The following CYP2C19 variants were observed in gnomAD, a reference collection of about 807,000 sequenced individuals.
CYP2C19 encodes cytochrome P450 family 2 subfamily C member 19, also known as cytochrome P450 2C19.
A neutral mutation model predicts 40.9 loss-of-function variants in CYP2C19; 59 were observed. The observed-to-expected ratio is 1.44, with a 90% CI of 1.17 to 1.79. CYP2C19 has a LOEUF of 1.79. Ranked by LOEUF, CYP2C19 falls within the 40% of genes most tolerant of loss-of-function variation. The pLI is 0.00. For missense variants in CYP2C19, 754 were observed against 596.9 expected, an observed-to-expected ratio of 1.26 and a Z score of -2.74; for synonymous variants, 253 against 208.7, an observed-to-expected ratio of 1.21 and a Z score of -1.83.
At chr10:94,767,933 T>C (rs1055470480) in intron 1 of CYP2C19, among the ~76,000 whole-genome samples, 6 of 152,132 alleles carry the variant, frequency 3.9e-5, no homozygotes, top group Non-Finnish European at 5.9e-5. Context: ...AATGGGAGGT[T>C]CCACCTGGCA....
chr10:94,764,419 T>A (rs1025875243), intron 1 of CYP2C19, among the ~76,000 whole-genome samples: 4 of 152,152 alleles, frequency 2.6e-5, no homozygotes, highest in Non-Finnish European at 5.9e-5. Context: ...TGCAAACCTT[T>A]AGCTAGACAC....
At chr10:94,831,734 A>T (rs1348814543) in intron 6 of CYP2C19, among the ~76,000 whole-genome samples, 1 of 152,126 alleles carries the variant, frequency 6.6e-6, no homozygotes, top group Non-Finnish European at 1.5e-5. Context: ...TCTTTTGCCC[A>T]CTTGTGGACT....
At chr10:94,849,894 T>A (rs991665447) in intron 7 of CYP2C19, 23 bp from the exon 8 acceptor site, 7 of 1,613,246 alleles carry the variant, frequency 4.3e-6, no homozygotes, top group Non-Finnish European at 5.9e-6. Context: ...ACAGCTCAGT[T>A]CACCTATGTC....
At chr10:94,776,782 C>T (rs992827064) in intron 3 of CYP2C19, among the ~76,000 whole-genome samples, 9 of 152,032 alleles carry the variant, frequency 5.9e-5, no homozygotes, top group African/African-American at 2.2e-4. Context: ...TTCAACATAG[C>T]TTTGGAAGTT....
At chr10:94,838,702 G>T (rs1849443578) in intron 6 of CYP2C19, among the ~76,000 whole-genome samples, 2 of 152,070 alleles carry the variant, frequency 1.3e-5, no homozygotes, top group South Asian at 4.1e-4. Flanking sequence ...ACTGGGATAG[G>T]GAGGTAGACT....
intron 1 of CYP2C19, among the ~76,000 whole-genome samples, chr10:94,765,154 A>G (rs780289493): frequency 1.2e-4 from 18 of 152,090 alleles, no homozygotes; most frequent in South Asian, 2.1e-4. Context: ...AGTGTGTGGT[A>G]GTAGGATAAT....
chr10:94,811,134 T>C (rs947421367), intron 5 of CYP2C19, among the ~76,000 whole-genome samples: 23 of 152,338 alleles, frequency 1.5e-4, no homozygotes, highest in Non-Finnish European at 2.2e-4. Flanking sequence ...TTCATTTTGT[T>C]ATTTACCCAG....
chr10:94,809,738 C>G (rs933718068), intron 5 of CYP2C19, among the ~76,000 whole-genome samples: 2 of 151,970 alleles, frequency 1.3e-5, no homozygotes, highest in Non-Finnish European at 2.9e-5. Flanking sequence ...AGATACATTC[C>G]ATCAAAATCT....
intron 1 of CYP2C19, among the ~76,000 whole-genome samples, chr10:94,765,655 G>T (rs1054505273): frequency 6.6e-6 from 1 of 152,102 alleles, no homozygotes; most frequent in Non-Finnish European, 1.5e-5. Context: ...GGGAGCTGCT[G>T]CAGGGGATCC....
At chr10:94,811,207 A>AGAAAC (rs1286970358) in intron 5 of CYP2C19, among the ~76,000 whole-genome samples, 1 of 152,116 alleles carries the variant, frequency 6.6e-6, no homozygotes, top group Non-Finnish European at 1.5e-5. Flanking sequence ...GAGTTTCTTA[A>AGAAAC]TCCCGAGTTT....
rs190748872 is a variant in CYP2C19 at position 94,854,979 on chromosome 10, C to A, written c.*2065C>A. ...GTGTTAGTAGAGGTGTTGACAAACA[C>A]CCATGGGTGAGATAAATAAAAAAGT... On this transcript the variant is annotated 3_prime_UTR_variant, in exon 9 of 9. Transcript: ENST00000371321. Among the ~76,000 whole-genome samples the A allele has an allele frequency of 3.3e-4, 51 of 152,266 alleles. No homozygotes were observed. The highest frequency in any genetic ancestry group is 4.0e-4 in the Non-Finnish European group (27 of 68,026).
intron 6 of CYP2C19, among the ~76,000 whole-genome samples, chr10:94,826,065 G>C (rs1407654533): frequency 5.9e-5 from 9 of 151,780 alleles, no homozygotes; most frequent in Middle Eastern, 3.4e-3. Flanking sequence ...CTGTAGCCTT[G>C]TAGTATAGTT....
chr10:94,814,407 A>C (rs1848970670), intron 5 of CYP2C19, among the ~76,000 whole-genome samples: 1 of 151,774 alleles, frequency 6.6e-6, no homozygotes. Context: ...ATGTCTATGC[A>C]TGTGATGGAA....
intron 5 of CYP2C19, among the ~76,000 whole-genome samples, chr10:94,803,344 G>C (rs1017463284): frequency 6.6e-6 from 1 of 152,138 alleles, no homozygotes; most frequent in African/African-American, 2.4e-5. Context: ...TTACTTCTGT[G>C]GGTAGTTTTA....
chr10:94,768,251 G>T (rs1322422708), intron 1 of CYP2C19, among the ~76,000 whole-genome samples: 1 of 152,158 alleles, frequency 6.6e-6, no homozygotes, highest in African/African-American at 2.4e-5. Context: ...ACTGGGCACT[G>T]GTCCCTGTGG....
chr10:94,788,268 GC>G (rs1000794369), intron 5 of CYP2C19, among the ~76,000 whole-genome samples: 2 of 152,064 alleles, frequency 1.3e-5, no homozygotes, highest in Non-Finnish European at 2.9e-5. Context: ...ACTTCCAGGA[GC>G]TTTTTGGAAG....
intron 5 of CYP2C19, among the ~76,000 whole-genome samples, chr10:94,791,471 T>A (rs938465710): frequency 3.9e-5 from 6 of 152,152 alleles, no homozygotes; most frequent in African/African-American, 1.4e-4. Flanking sequence ...GTGTCAAATT[T>A]AGACCTTTCC....
intron 5 of CYP2C19, among the ~76,000 whole-genome samples, chr10:94,791,353 G>A (rs1346140047): frequency 1.3e-5 from 2 of 151,942 alleles, no homozygotes; most frequent in Non-Finnish European, 2.9e-5. Context: ...AGGGTTTTCT[G>A]TGTCTATCTC....
intron 5 of CYP2C19, among the ~76,000 whole-genome samples, chr10:94,790,175 G>A (rs574850566): frequency 2.0e-5 from 3 of 152,224 alleles, no homozygotes; most frequent in African/African-American, 7.2e-5. Context: ...GAATGCTTAT[G>A]ATTTTTGCAC....
Sources: allele counts gnomAD v4.1 joint callset (sites outside exome capture counted in the v4.1 genomes callset), GRCh38; gene constraint gnomAD v4.1.1; transcripts MANE v1.5; gene names NCBI Gene and HGNC (gene_info 2026-07-23, HGNC 2026-07-21).